The following MIB2 variants were observed in gnomAD, a reference collection of about 807,000 sequenced individuals.
The protein encoded by MIB2 is E3 ubiquitin-protein ligase MIB2.
A neutral mutation model predicts 96.6 loss-of-function variants in MIB2; 78 were observed. The observed-to-expected ratio is 0.81, with a 90% CI of 0.67 to 0.97. The LOEUF is 0.97. Among genes scored for constraint, MIB2 ranks in the 50% least tolerant of loss-of-function variants. The pLI is 0.00. For synonymous variants in MIB2, 820 were observed against 629.5 expected (o/e 1.30, Z -4.53); for missense variants, 1,543 against 1,424.0 (o/e 1.08, Z -1.35).
intron 1 of MIB2, chr1:1,615,920 C>T (rs1643595077): frequency 2.0e-6 from 2 of 998,758 alleles, no homozygotes; most frequent in Non-Finnish European, 2.4e-6. Context: ...GGTCGTCGTC[C>T]GGGCCGGGTG....
At chr1:1,614,122 G>A (rs1307212664), upstream of MIB2, 1 of 152,214 alleles carries the variant, frequency 6.6e-6, no homozygotes, top group Non-Finnish European at 1.5e-5. Context: ...GTGAACAGCA[G>A]GTACTCAATC....
intron 4 of MIB2, chr1:1,624,211 C>T: frequency 1.9e-6 from 1 of 528,436 alleles, no homozygotes; most frequent in Non-Finnish European, 3.4e-6. Flanking sequence ...TACCCGGAGC[C>T]AGCACCTGGG....
rs1288534370 is a variant in MIB2 at position 1,623,632 on chromosome 1, G to A, written c.180G>A (p.Thr60=). The change falls in exon 3 of 20, where the codon ACG becomes ACA. Residue 60 remains threonine, a synonymous_variant. Transcript: ENST00000355826. ...RTVVVQWDQG[T]RTNYRAGYQG... ...TGGTCGTGCAGTGGGACCAGGGCAC[G>A]CGCACCAACTACCGCGCCGGCTACC... is the stretch of plus-strand genomic sequence containing the variant. 10 of 1,480,620 alleles carry A rather than the reference G, an allele frequency of 6.8e-6. No homozygotes were observed. The highest frequency in any genetic ancestry group is 2.5e-5 in the East Asian group (1 of 40,256). 91.7% of individuals were successfully genotyped at this position (1,480,620 alleles called of 1,614,324 possible).
chr1:1,624,868 C>T lies in MIB2; in HGVS notation c.493C>T (p.Arg165Ter). 6 of 1,613,042 alleles carry T rather than the reference C, an allele frequency of 3.7e-6. No individual in the cohort carries two copies. The highest frequency in any genetic ancestry group is 5.1e-6 in the Non-Finnish European group (6 of 1,179,964). ...CATCTTCCAGGGAGCGAAGGTGGTG[C>T]GAGGCCCCGACTGGGAGTGGGGCTC... Reference protein sequence around the residue: ...RGIFQGAKVVRGPDWEWGSQD... With the variant: ...RGIFQGAKVV The change falls in exon 5 of 20, where the codon CGA (arginine) becomes TGA (stop). Residue 165 changes from arginine to a stop codon, truncating the protein, a stop_gained. Coordinates refer to ENST00000355826, the MANE Select transcript of MIB2 (RefSeq NM_001170687.4). LOFTEE classifies it high-confidence loss of function.
Position 1,629,036 on chromosome 1 carries a change from A to C in MIB2, c.2203-97A>C, listed in dbSNP as rs1057119832. On this transcript the variant is annotated intron_variant, in intron 16 of 19. Transcript: ENST00000355826. ...GGTGCCCTTGCCTTGTATTTTAGAC[A>C]TGGGGCGCCGGCTGCTGGGGCTGCC... 6 of 1,271,610 alleles carry C rather than the reference A, an allele frequency of 4.7e-6. No homozygotes were observed. The African/African-American group carries it at 6.3e-5, about 13-fold the overall frequency. The allele number at this position is 1,271,610 out of a possible 1,614,324, so 78.8% of individuals were successfully genotyped here. A position where few individuals can be genotyped will look rare whatever the true frequency, so the allele number is the denominator to read the frequency against.
In MIB2 at chr1:1,628,483, C is replaced by G. The variant is rs1645030208; in HGVS notation, c.1969-6C>G. The G allele has an allele frequency of 2.5e-6, 4 of 1,596,216 alleles. No homozygotes were observed. Among genetic ancestry groups the G allele is most frequent in the Non-Finnish European group, 3.4e-6 (4 of 1,175,196 alleles). On this transcript the variant is annotated splice_region_variant and splice_polypyrimidine_tract_variant and intron_variant, in intron 15 of 19. Transcript: ENST00000355826. ...CTGGGCTGAGCCCGTCCCCACCCCT[C>G]CCCAGGGCCGCTGTGACGTGAACGT...
At chr1:1,629,598 G>A (rs1365228147) in intron 18 of MIB2, 32 bp downstream of exon 18, 2 of 1,565,054 alleles carry the variant, frequency 1.3e-6, no homozygotes, top group Non-Finnish European at 1.7e-6. Context: ...GGGGAGGCCC[G>A]GCTAGTAGGG....
At chr1:1,630,055 C>T (rs1163413432) in intron 19 of MIB2, among the ~76,000 whole-genome samples, 1 of 148,690 alleles carries the variant, frequency 6.7e-6, no homozygotes, top group Non-Finnish European at 1.5e-5. Flanking sequence ...AGCTCACAGC[C>T]CACCTGCAGC....
Position 1,625,705 on chromosome 1 carries a change from C to A in MIB2, c.972+52C>A. 6.9e-7 allele frequency: 1 copy of A among 1,455,774 alleles called. No homozygotes were observed. The highest frequency in any genetic ancestry group is 9.4e-7 in the Non-Finnish European group (1 of 1,064,484). 90.2% of individuals were successfully genotyped at this position (1,455,774 alleles called of 1,614,324 possible). The stretch of plus-strand genomic sequence containing the variant: ...ATCTGCTTGCTTCTGTAACCCCTTC[C>A]ACGTACCCCCTTGGCCTTGGGGGGT... On this transcript the variant is annotated intron_variant, in intron 8 of 19. Coordinates refer to ENST00000355826, the MANE Select transcript of MIB2 (RefSeq NM_001170687.4). The surrounding 1 kb of genome is among the most constrained non-coding windows in gnomAD (Gnocchi z 5.0).
rs756713279 is a variant in MIB2 at position 1,629,529 on chromosome 1, G to A, written c.2526G>A (p.Val842=). Residue 842 remains valine (V), a synonymous_variant, in exon 18 of 20, where the codon GTG becomes GTA. Coordinates refer to ENST00000355826, the MANE Select transcript of MIB2 (RefSeq NM_001170687.4). ...TGTGCTCCGAGCTGGCGCTGCTGGT[G>A]CTGTTCTCGCCGTGCCAGCACCGCA... The part of the protein sequence containing the change: ...CLVCSELALL[V]LFSPCQHRTV... 7.1e-6 allele frequency: 11 copies of A among 1,542,608 alleles called. No individual in the cohort carries two copies. The highest frequency in any genetic ancestry group is 5.9e-5 in the Admixed American group (3 of 51,070).
Position 1,630,295 on chromosome 1 carries a change from G to A in MIB2, c.2633G>A (p.Gly878Asp), listed in dbSNP as rs1190141990. The change falls in exon 20 of 20, where the codon GGC becomes GAC. Residue 878 changes from glycine (G) to aspartate (D), a missense_variant. Gly to Asp is a moderately conservative substitution (Grantham distance 94). Transcript: ENST00000355826. Reference protein sequence around the residue: ...VVVSKKLRPDGSEVASAAPAP... With the variant: ...VVVSKKLRPDDSEVASAAPAP... Reference sequence around the variant, plus strand: ...ACACCCGTCCCCCACCCCGCAGACGGCTCTGAGGTGGCGAGCGCCGCCCCC... The same window carrying A: ...ACACCCGTCCCCCACCCCGCAGACGACTCTGAGGTGGCGAGCGCCGCCCCC... 2 of 1,505,896 alleles carry A rather than the reference G, an allele frequency of 1.3e-6. No homozygotes were observed. Among genetic ancestry groups the A allele is most frequent in the Non-Finnish European group, 1.8e-6 (2 of 1,131,582 alleles). The allele number at this position is 1,505,896 out of a possible 1,614,324, so 93.3% of individuals were successfully genotyped here.
At chr1:1,617,573 T>C (rs543251633) in intron 2 of MIB2, 1 of 152,246 alleles carries the variant, frequency 6.6e-6, no homozygotes. Flanking sequence ...CCTGGCTTGC[T>C]GGCTGCCCGT....
chr1:1,628,072 C>A lies in MIB2; in HGVS notation c.1734C>A (p.Ala578=), dbSNP rs560785258. The A allele has an allele frequency of 1.2e-6, 2 of 1,613,210 alleles. No individual in the cohort carries two copies. Among genetic ancestry groups the A allele is most frequent in the Admixed American group, 1.7e-5 (1 of 60,022 alleles). The change falls in exon 14 of 20, where the codon GCC becomes GCA. Residue 578 remains alanine (A), a synonymous_variant. Coordinates refer to ENST00000355826, the MANE Select transcript of MIB2 (RefSeq NM_001170687.4). The stretch of plus-strand genomic sequence containing the variant: ...CCGCCATCTCGGCGGGCACTGGAGC[C>A]AGCGGCATTGTCGAGGTCCTCACGG... ...LHSAISAGTG[A]SGIVEVLTEV... is the part of the protein sequence containing the mutation.
chr1:1,614,541 C>G (rs2100254235), upstream of MIB2: 1 of 152,356 alleles, frequency 6.6e-6, no homozygotes, highest in Admixed American at 6.5e-5. Context: ...TGTCATGGCA[C>G]GAACAGCCTA....
At chr1:1,615,716 T>C in intron 1 of MIB2, 83 bp downstream of exon 1, 2 of 1,496,768 alleles carry the variant, frequency 1.3e-6, no homozygotes, top group Non-Finnish European at 1.8e-6. Context: ...GCGAGCGCCG[T>C]CCGGTTCCCG....
chr1:1,620,174 G>T (rs1294707284), intron 2 of MIB2, among the ~76,000 whole-genome samples: 1 of 152,266 alleles, frequency 6.6e-6, no homozygotes, highest in Non-Finnish European at 1.5e-5. Flanking sequence ...AGGTCCAATG[G>T]CATATGGCCA....
chr1:1,615,685 C>G, intron 1 of MIB2, 52 bp downstream of exon 1: 1 of 1,528,226 alleles, frequency 6.5e-7, no homozygotes, highest in African/African-American at 1.4e-5. Context: ...GTCCCCGAGT[C>G]GTTCTCCGCT....
upstream of MIB2, chr1:1,614,341 C>G (rs913744902): frequency 2.0e-5 from 3 of 152,266 alleles, no homozygotes; most frequent in Non-Finnish European, 4.4e-5. Flanking sequence ...AGGGAAATTC[C>G]TCAGGACTGC....
chr1:1,621,195 G>A (rs1358586754), intron 2 of MIB2, among the ~76,000 whole-genome samples: 1 of 152,276 alleles, frequency 6.6e-6, no homozygotes, highest in Non-Finnish European at 1.5e-5. Flanking sequence ...GCCCCGCGAG[G>A]GGAATAGTGC....
Sources: allele counts gnomAD v4.1 joint callset (sites outside exome capture counted in the v4.1 genomes callset), GRCh38; gene constraint gnomAD v4.1.1; non-coding constraint Gnocchi (gnomAD v3.1); transcripts MANE v1.5; gene names NCBI Gene and HGNC (gene_info 2026-07-23, HGNC 2026-07-21).